Variants in CCNG1 observed in about 807,000 individuals in gnomAD.
CCNG1 encodes the protein cyclin-G1.
In CCNG1, 13 loss-of-function variants were observed where a neutral mutation model predicts 30.0. The ratio of observed to expected loss-of-function variants is 0.43; its 90% CI spans 0.28 to 0.69. The LOEUF (loss-of-function observed/expected upper bound fraction) is 0.69, where lower values mean the gene tolerates loss of function less well. CCNG1 is among the 30% of genes least tolerant of loss of function. CCNG1 has a pLI of 0.16. For missense variants in CCNG1, 285 were observed against 331.4 expected, an observed-to-expected ratio of 0.86 and a Z score of 1.09; for synonymous variants, 110 against 121.5, an observed-to-expected ratio of 0.91 and a Z score of 0.62.
chr5:163,448,981 A>G (rs1313062891), downstream of CCNG1: 1 of 152,234 alleles, frequency 6.6e-6, no homozygotes, highest in Non-Finnish European at 1.5e-5. Context: ...AGAAAAGCCT[A>G]CAGCTTGCAT....
At chr5:163,453,251 A>G in the CCNG1 span, 1 of 152,230 alleles carries the variant, frequency 6.6e-6, no homozygotes, top group African/African-American at 2.4e-5. Context: ...GACAATTCCT[A>G]CCTATATGCC....
chr5:163,444,984 G>C lies in CCNG1; in HGVS notation c.*1314G>C, dbSNP rs896397036. 6.6e-6 allele frequency: 1 copy of C among 152,348 alleles called. No individual in the cohort carries two copies. Among genetic ancestry groups the C allele is most frequent in the Admixed American group, 6.5e-5 (1 of 15,280 alleles). The allele number at this position is 152,348 out of a possible 1,614,324, so 9.4% of individuals were successfully genotyped here. On this transcript the variant is annotated 3_prime_UTR_variant, in exon 7 of 7. Transcript: ENST00000340828. ...CTACCATTATGTTTTAGTACTAAGG[G>C]ATATACCTTTCAATAAAGTTAATGA...
At chr5:163,454,444 C>A in the CCNG1 span, among the ~76,000 whole-genome samples, 4 of 152,120 alleles carry the variant, frequency 2.6e-5, no homozygotes, top group South Asian at 6.2e-4. Flanking sequence ...CAGGTTCAAG[C>A]GATTCTCCTG....
chr5:163,438,678 G>A (rs1283160780), intron 1 of CCNG1, among the ~76,000 whole-genome samples: 1 of 152,192 alleles, frequency 6.6e-6, no homozygotes, highest in Non-Finnish European at 1.5e-5. Flanking sequence ...GTTATCTATT[G>A]ACAGTGAATA....
chr5:163,447,882 G>T (rs918579178), downstream of CCNG1: 3 of 152,134 alleles, frequency 2.0e-5, no homozygotes, highest in African/African-American at 7.2e-5. Context: ...TAAAATAAAT[G>T]AAAATATCAC....
the CCNG1 span, among the ~76,000 whole-genome samples, chr5:163,455,398 T>TG: frequency 1.3e-5 from 2 of 152,190 alleles, no homozygotes; most frequent in Non-Finnish European, 2.9e-5. Context: ...ATGGAATAAC[T>TG]GATCAGAAAG....
the CCNG1 span, chr5:163,453,960 A>C: frequency 6.7e-7 from 1 of 1,487,820 alleles, no homozygotes; most frequent in Non-Finnish European, 9.1e-7. Context: ...TGCAGGAAAA[A>C]AAGCAGTTAT....
downstream of CCNG1, chr5:163,450,410 G>A (rs1233017402): frequency 6.6e-6 from 1 of 152,142 alleles, no homozygotes; most frequent in East Asian, 1.9e-4. Flanking sequence ...AGTAAAGAGA[G>A]AATAGGAGAA....
the CCNG1 span, among the ~76,000 whole-genome samples, chr5:163,454,837 A>T: frequency 6.6e-6 from 1 of 151,540 alleles, no homozygotes; most frequent in South Asian, 2.1e-4. Flanking sequence ...GGTATGTAGA[A>T]TTCAAGAGTG....
At chr5:163,455,919 T>C in the CCNG1 span, among the ~76,000 whole-genome samples, 6 of 152,152 alleles carry the variant, frequency 3.9e-5, no homozygotes, top group South Asian at 6.2e-4. Context: ...ATTTCGAAGG[T>C]AGCATCAGTA....
chr5:163,443,173 G>A (rs2069360), intron 6 of CCNG1, among the ~76,000 whole-genome samples: 128 of 152,120 alleles, frequency 8.4e-4, no homozygotes, highest in African/African-American at 2.8e-3. Context: ...TTAGCCAGTC[G>A]CGGTGGCGGG....
Position 163,443,818 on chromosome 5 carries a change from C to T in CCNG1, c.*148C>T. The T allele has an allele frequency of 2.5e-6, 2 of 789,432 alleles. No individual in the cohort carries two copies. Among genetic ancestry groups the T allele is most frequent in the East Asian group, 5.5e-5 (2 of 36,486 alleles). The allele number at this position is 789,432 out of a possible 1,614,324, so 48.9% of individuals were successfully genotyped here. On this transcript the variant is annotated 3_prime_UTR_variant, in exon 7 of 7. Transcript: ENST00000340828. ...ATGGTCTCAGACTTGGGAAAACTGC[C>T]TAATATTATGCTGTAGTGGAATTAT...
At chr5:163,439,854 C>A (rs1204436102) in intron 2 of CCNG1, among the ~76,000 whole-genome samples, 2 of 151,834 alleles carry the variant, frequency 1.3e-5, no homozygotes, top group Non-Finnish European at 2.9e-5. Flanking sequence ...TTATTAGTGG[C>A]AGAAATTTAT....
chr5:163,455,533 GC>G, the CCNG1 span, among the ~76,000 whole-genome samples: 8 of 152,200 alleles, frequency 5.3e-5, no homozygotes, highest in Non-Finnish European at 2.9e-5. Context: ...GGAGGCCAAG[GC>G]GGGCGGATCA....
Position 163,443,943 on chromosome 5 carries a change from A to C in CCNG1, c.*273A>C, listed in dbSNP as rs1037754610. 2 of 466,458 alleles carry C rather than the reference A, an allele frequency of 4.3e-6. No individual in the cohort carries two copies. Among genetic ancestry groups the C allele is most frequent in the Non-Finnish European group, 7.6e-6 (2 of 263,982 alleles). 28.9% of individuals were successfully genotyped at this position (466,458 alleles called of 1,614,324 possible). A position where few individuals can be genotyped will look rare whatever the true frequency, so the allele number is the denominator to read the frequency against. ...CTGAGAAGGTAAACTGTGAATCTTC[A>C]TTTCTATCATTGATCTAACTTTAGA... On this transcript the variant is annotated 3_prime_UTR_variant, in exon 7 of 7. Coordinates refer to ENST00000340828, the MANE Select transcript of CCNG1 (RefSeq NM_004060.4).
downstream of CCNG1, chr5:163,446,105 G>C (rs1758031587): frequency 6.6e-6 from 1 of 152,140 alleles, no homozygotes; most frequent in South Asian, 2.1e-4. Context: ...GACACTGCAA[G>C]GAGTTACTGA....
chr5:163,441,843 TGTA>T (rs1757829787), intron 3 of CCNG1, 40 bp from the exon 4 acceptor site: 6 of 1,169,268 alleles, frequency 5.1e-6, no homozygotes, highest in Non-Finnish European at 7.6e-6. Context: ...TTTGACTAGA[TGTA>T]GTATTACCTA....
At chr5:163,455,835 G>A in the CCNG1 span, among the ~76,000 whole-genome samples, 1 of 151,774 alleles carries the variant, frequency 6.6e-6, no homozygotes, top group Non-Finnish European at 1.5e-5. Flanking sequence ...AGAGTAATCA[G>A]GCAAGACATT....
At chr5:163,438,621 C>T (rs1430733484) in intron 1 of CCNG1, among the ~76,000 whole-genome samples, 1 of 152,200 alleles carries the variant, frequency 6.6e-6, no homozygotes, top group Admixed American at 6.5e-5. Flanking sequence ...ACTTAACTAC[C>T]ATCTGCTTTT....
Sources: gnomAD v4.1 joint callset for allele counts (sites outside exome capture counted in the v4.1 genomes callset) on GRCh38, gnomAD v4.1.1 for gene constraint, MANE v1.5 for transcripts, NCBI Gene and HGNC (gene_info 2026-07-23, HGNC 2026-07-21) for gene names.